FER: variants seen among roughly 807,000 people sequenced by gnomAD.
The protein encoded by FER is FER tyrosine kinase.
FER carries 63 observed loss-of-function variants against 111.0 expected under a neutral mutation model. The ratio of observed to expected loss-of-function variants is 0.57; its 90% CI spans 0.46 to 0.70. The LOEUF (loss-of-function observed/expected upper bound fraction) is 0.70, where lower values mean the gene tolerates loss of function less well. Ranked by LOEUF, FER falls within the 30% of genes least tolerant of loss-of-function variation. The pLI is 0.00. For synonymous variants in FER, 327 were observed against 313.9 expected, an observed-to-expected ratio of 1.04 and a Z score of -0.44; for missense variants, 914 against 954.0, an observed-to-expected ratio of 0.96 and a Z score of 0.55.
chr5:109,132,798 A>G lies in FER; in HGVS notation c.2048+32279A>G, dbSNP rs144861406. The stretch of plus-strand genomic sequence containing the variant: ...AGATGGCAGCACCTGGTGAAAAGGG[A>G]CTGTCACATCATCTGAGCCCAAACC... On this transcript the variant is annotated intron_variant, in intron 17 of 19. Transcript: ENST00000281092. Among the ~76,000 whole-genome samples, 35 of 152,264 alleles carry G rather than the reference A, an allele frequency of 2.3e-4. 1 individual carries two copies. Among genetic ancestry groups the G allele is most frequent in the Admixed American group, 9.8e-4 (15 of 15,286 alleles).
chr5:108,819,761 A>T (rs1391283231), intron 3 of FER: 1 of 981,956 alleles, frequency 1.0e-6, no homozygotes, highest in Non-Finnish European at 1.2e-6. Flanking sequence ...GCATTTTTTT[A>T]AAATAGAGAT....
chr5:109,060,539 C>G (rs886092641), intron 16 of FER, among the ~76,000 whole-genome samples: 2 of 151,908 alleles, frequency 1.3e-5, no homozygotes, highest in Non-Finnish European at 2.9e-5. Flanking sequence ...CAAAAATTAG[C>G]TGGGCGTGGT....
At chr5:109,100,297 G>T (rs1748070252) in intron 16 of FER, 99 bp from the exon 17 acceptor site, 2 of 1,416,638 alleles carry the variant, frequency 1.4e-6, no homozygotes. Context: ...AATGTGTAAT[G>T]CATTTTGCTC....
chr5:109,000,139 T>A (rs1764534152), intron 13 of FER, among the ~76,000 whole-genome samples: 1 of 151,740 alleles, frequency 6.6e-6, no homozygotes, highest in African/African-American at 2.4e-5. Context: ...TTCATAAAGA[T>A]GATATATAAT....
intron 10 of FER, among the ~76,000 whole-genome samples, chr5:108,924,360 CAAAAAAAAA>C (rs59469649): frequency 1.0e-5 from 1 of 99,068 alleles, no homozygotes; most frequent in Admixed American, 1.2e-4. Flanking sequence ...AACTCTGTCT[CAAAAAAAAA>C]AAAAAAAAAA....
chr5:109,114,862 T>C (rs1477990771), intron 17 of FER, among the ~76,000 whole-genome samples: 4 of 152,060 alleles, frequency 2.6e-5, no homozygotes, highest in Non-Finnish European at 4.4e-5. Flanking sequence ...CCTCATTCTC[T>C]CTGTCCCTAT....
chr5:109,006,282 C>G (rs1219611232), intron 13 of FER, among the ~76,000 whole-genome samples: 2 of 152,172 alleles, frequency 1.3e-5, no homozygotes, highest in African/African-American at 2.4e-5. Context: ...TAATTCCCAC[C>G]TGTTGTGGGA....
At chr5:108,765,816 A>T (rs986750394) in intron 1 of FER, among the ~76,000 whole-genome samples, 7 of 152,156 alleles carry the variant, frequency 4.6e-5, no homozygotes, top group Non-Finnish European at 4.4e-5. Flanking sequence ...GGATACATAT[A>T]TAATGTGTTT....
intron 13 of FER, among the ~76,000 whole-genome samples, chr5:108,979,243 T>C (rs1581491363): frequency 1.3e-5 from 2 of 152,322 alleles, no homozygotes; most frequent in South Asian, 4.1e-4. Flanking sequence ...GAAAGCCTGT[T>C]CAGAAGTCGA....
intron 13 of FER, among the ~76,000 whole-genome samples, chr5:109,017,758 C>G (rs1487698275): frequency 6.6e-6 from 1 of 151,600 alleles, no homozygotes; most frequent in Non-Finnish European, 1.5e-5. Flanking sequence ...TATCAGAGAC[C>G]AAATCCAACA....
intron 13 of FER, among the ~76,000 whole-genome samples, chr5:109,025,436 T>C (rs1235180168): frequency 6.6e-6 from 1 of 152,114 alleles, no homozygotes; most frequent in Admixed American, 6.6e-5. Context: ...GTTGTTGGTG[T>C]ATAAGAATGC....
chr5:109,146,574 C>CA (rs1754240871), intron 17 of FER, among the ~76,000 whole-genome samples: 1 of 151,594 alleles, frequency 6.6e-6, no homozygotes, highest in South Asian at 2.1e-4. Flanking sequence ...CCTTGTATGG[C>CA]AAAATTTTTA....
intron 5 of FER, chr5:108,842,971 A>G (rs1761427605): frequency 6.6e-6 from 1 of 152,254 alleles, no homozygotes; most frequent in South Asian, 2.1e-4. Context: ...AGCACAATTC[A>G]CAATTGCAAA....
At chr5:108,940,291 A>G (rs1756081648) in intron 10 of FER, among the ~76,000 whole-genome samples, 1 of 152,062 alleles carries the variant, frequency 6.6e-6, no homozygotes, top group African/African-American at 2.4e-5. Flanking sequence ...AGATGTTTTT[A>G]TGTTTTCCTG....
At chr5:108,894,546 A>G (rs1748746663) in intron 9 of FER, 2 of 404,952 alleles carry the variant, frequency 4.9e-6, no homozygotes, top group East Asian at 1.1e-4. Flanking sequence ...CACAGAATGG[A>G]GGGTTCCACA....
At chr5:108,897,098 T>C (rs746634676) in intron 9 of FER, among the ~76,000 whole-genome samples, 4 of 152,172 alleles carry the variant, frequency 2.6e-5, no homozygotes, top group Non-Finnish European at 4.4e-5. Flanking sequence ...ATTGGAGACG[T>C]TGGAAAGATT....
intron 9 of FER, among the ~76,000 whole-genome samples, chr5:108,891,281 GCTTTATATATTCTAGTT>G (rs575540784): frequency 2.0e-5 from 3 of 152,042 alleles, no homozygotes; most frequent in South Asian, 2.1e-4. Context: ...ATATTCTAGA[GCTTTATATATTCTAGTT>G]CTTTATATAT....
intron 13 of FER, among the ~76,000 whole-genome samples, chr5:108,993,135 G>C (rs1249442306): frequency 1.3e-5 from 2 of 151,542 alleles, no homozygotes; most frequent in African/African-American, 4.9e-5. Flanking sequence ...CCCAGACGGG[G>C]TGGCGGCCGG....
At chr5:109,058,715 TC>T (rs1773964344) in intron 16 of FER, among the ~76,000 whole-genome samples, 1 of 138,472 alleles carries the variant, frequency 7.2e-6, no homozygotes, top group Admixed American at 7.2e-5. Flanking sequence ...TCTTTTTCTT[TC>T]TTTCTTTCTT....
Sources: gnomAD v4.1 joint callset for allele counts (sites outside exome capture counted in the v4.1 genomes callset) on GRCh38, gnomAD v4.1.1 for gene constraint, MANE v1.5 for transcripts, NCBI Gene and HGNC (gene_info 2026-07-23, HGNC 2026-07-21) for gene names.